Variants in NPSR1 observed in about 807,000 individuals in gnomAD.
NPSR1 encodes neuropeptide S receptor 1.
In NPSR1, 48 loss-of-function variants were observed where a neutral mutation model predicts 46.9. The observed-to-expected ratio is 1.02, with a 90% CI of 0.81 to 1.30. NPSR1 has a LOEUF of 1.30. NPSR1 is among the 50% of genes most tolerant of loss of function. The pLI, the probability that NPSR1 is intolerant of heterozygous loss-of-function variation, is 0.00. For missense variants in NPSR1, 450 were observed against 449.5 expected (o/e 1.00, Z -0.01); for synonymous variants, 176 against 168.1 (o/e 1.05, Z -0.36).
intron 8 of NPSR1, among the ~76,000 whole-genome samples, chr7:34,857,000 T>TAA (rs1791065601): frequency 6.6e-6 from 1 of 151,630 alleles, no homozygotes; most frequent in Non-Finnish European, 1.5e-5. Context: ...TATTTTAGGG[T>TAA]AAAGTTCCAT....
At chr7:34,806,160 C>T (rs1349276328) in intron 3 of NPSR1, among the ~76,000 whole-genome samples, 5 of 151,974 alleles carry the variant, frequency 3.3e-5, no homozygotes, top group Non-Finnish European at 7.4e-5. Flanking sequence ...ACCATACAAC[C>T]CAGCAATTGT....
intron 3 of NPSR1, among the ~76,000 whole-genome samples, chr7:34,785,704 A>G (rs1390192400): frequency 1.3e-5 from 2 of 152,138 alleles, no homozygotes; most frequent in Non-Finnish European, 2.9e-5. Context: ...TATACCTCAG[A>G]GATATTGTGG....
chr7:34,837,546 GA>G (rs1790416970), intron 6 of NPSR1, among the ~76,000 whole-genome samples: 1 of 152,176 alleles, frequency 6.6e-6, no homozygotes. Context: ...TTTCCCGTTT[GA>G]GAATACTGCA....
At chr7:34,714,401 G>A (rs1020530700) in intron 2 of NPSR1, among the ~76,000 whole-genome samples, 4 of 152,190 alleles carry the variant, frequency 2.6e-5, no homozygotes, top group East Asian at 3.9e-4. Context: ...GTGACCACAC[G>A]TCTGGAATTG....
chr7:34,661,525 C>A (rs1287380434), intron 1 of NPSR1, among the ~76,000 whole-genome samples: 1 of 152,280 alleles, frequency 6.6e-6, no homozygotes, highest in South Asian at 2.1e-4. Context: ...GACAAAGCAC[C>A]CCGTCTAGAT....
intron 8 of NPSR1, among the ~76,000 whole-genome samples, chr7:34,873,558 C>A (rs867688506): frequency 1.3e-5 from 2 of 151,682 alleles, no homozygotes; most frequent in African/African-American, 4.9e-5. Context: ...CAATGTGTCA[C>A]ATGGTCAGAG....
At chr7:34,690,474 G>GA (rs1179960924) in intron 2 of NPSR1, among the ~76,000 whole-genome samples, 10 of 151,928 alleles carry the variant, frequency 6.6e-5, no homozygotes, top group African/African-American at 2.4e-4. Context: ...TGAGATCCAA[G>GA]AAAAAATTGA....
In NPSR1 at chr7:34,867,827, T is replaced by C. The variant is rs1231898925; in HGVS notation, c.1026-10249T>C. ...GGATAAGTCTAAAATAGTTTGGCAC[T>C]CAGTTCCAAGCTCACCTATGGAAAA... On this transcript the variant is annotated intron_variant, in intron 8 of 8. Transcript: ENST00000359791. Among the ~76,000 whole-genome samples, 4 of 151,956 alleles carry C rather than the reference T, an allele frequency of 2.6e-5. No individual in the cohort carries two copies. In the East Asian group the frequency reaches 7.7e-4, roughly 29 times the overall value.
intron 2 of NPSR1, among the ~76,000 whole-genome samples, chr7:34,739,872 T>G (rs935733117): frequency 6.6e-6 from 1 of 152,220 alleles, no homozygotes; most frequent in African/African-American, 2.4e-5. Context: ...ATTATTTTTG[T>G]GCTTGTTGGC....
chr7:34,677,198 C>T (rs901313024), intron 1 of NPSR1, among the ~76,000 whole-genome samples: 3 of 152,200 alleles, frequency 2.0e-5, no homozygotes, highest in Admixed American at 6.5e-5. Context: ...TTGTACTCTA[C>T]AAAGATGAAG....
At chr7:34,841,688 C>A (rs754675407) in intron 6 of NPSR1, among the ~76,000 whole-genome samples, 1 of 152,194 alleles carries the variant, frequency 6.6e-6, no homozygotes, top group African/African-American at 2.4e-5. Context: ...ATTAAAGATG[C>A]TTTTCACTGA....
intron 2 of NPSR1, among the ~76,000 whole-genome samples, chr7:34,702,110 A>G (rs962003060): frequency 1.3e-5 from 2 of 152,194 alleles, no homozygotes; most frequent in African/African-American, 4.8e-5. Flanking sequence ...GTATTAAAGG[A>G]CTGTCACCCT....
At chr7:34,761,884 G>C (rs1244358075) in intron 2 of NPSR1, among the ~76,000 whole-genome samples, 1 of 152,204 alleles carries the variant, frequency 6.6e-6, no homozygotes, top group Non-Finnish European at 1.5e-5. Context: ...GTGAGGAGGA[G>C]AAATAGTGGA....
chr7:34,711,969 C>A (rs1281328240), intron 2 of NPSR1, among the ~76,000 whole-genome samples: 1 of 152,220 alleles, frequency 6.6e-6, no homozygotes, highest in Non-Finnish European at 1.5e-5. Flanking sequence ...AGGTGGGACC[C>A]AGGTATCCCC....
chr7:34,874,956 C>T (rs950458151), intron 8 of NPSR1, among the ~76,000 whole-genome samples: 3 of 152,116 alleles, frequency 2.0e-5, no homozygotes, highest in African/African-American at 4.8e-5. Flanking sequence ...TTTCAAGGAT[C>T]CTGCTCCTGG....
intron 2 of NPSR1, among the ~76,000 whole-genome samples, chr7:34,747,135 A>AC (rs1369102550): frequency 1.2e-3 from 184 of 151,498 alleles, no homozygotes; most frequent in Non-Finnish European, 2.1e-3. Context: ...AAAACAAAAA[A>AC]AAAAAAAAAA....
intron 3 of NPSR1, among the ~76,000 whole-genome samples, chr7:34,802,911 A>C (rs1022038466): frequency 6.6e-6 from 1 of 150,468 alleles, no homozygotes; most frequent in Non-Finnish European, 1.5e-5. Context: ...GCGAAGGACA[A>C]GAACAGACAC....
chr7:34,698,601 T>G (rs1266337012), intron 2 of NPSR1, among the ~76,000 whole-genome samples: 1 of 152,144 alleles, frequency 6.6e-6, no homozygotes, highest in Non-Finnish European at 1.5e-5. Flanking sequence ...TATATAAAAT[T>G]TAAACATCAG....
intron 2 of NPSR1, among the ~76,000 whole-genome samples, chr7:34,763,357 C>T (rs190219947): frequency 2.6e-5 from 4 of 152,262 alleles, no homozygotes; most frequent in Non-Finnish European, 5.9e-5. Context: ...CTACAGTCAG[C>T]CAATCAAGCA....
Sources: gnomAD v4.1 joint callset for allele counts (sites outside exome capture counted in the v4.1 genomes callset) on GRCh38, gnomAD v4.1.1 for gene constraint, MANE v1.5 for transcripts, NCBI Gene and HGNC (gene_info 2026-07-23, HGNC 2026-07-21) for gene names.